Variants in HERPUD2 observed in about 807,000 individuals in gnomAD.
The protein encoded by HERPUD2 is homocysteine-responsive endoplasmic reticulum-resident ubiquitin-like domain member 2 protein.
Under a neutral mutation model 49.9 loss-of-function variants are expected in HERPUD2, and 13 were observed. That is an observed-to-expected ratio of 0.26 (90% CI 0.17 to 0.41). HERPUD2 has a LOEUF of 0.41. Ranked by LOEUF, HERPUD2 falls within the 10% of genes least tolerant of loss-of-function variation. HERPUD2 has a pLI of 1.00. For missense variants in HERPUD2, 449 were observed against 492.2 expected (o/e 0.91, Z 0.83); for synonymous variants, 172 against 171.4 (o/e 1.00, Z -0.03).
At position 35,634,447 on chromosome 7, in the gene HERPUD2, G is replaced by T; in HGVS notation, c.942-18C>A. The T allele has an allele frequency of 6.7e-7, 1 of 1,483,740 alleles. No homozygotes were observed. Among genetic ancestry groups the T allele is most frequent in the Non-Finnish European group, 9.4e-7 (1 of 1,065,038 alleles). The allele number at this position is 1,483,740 out of a possible 1,614,324, so 91.9% of individuals were successfully genotyped here. On this transcript the variant is annotated intron_variant, in intron 7 of 8. Coordinates refer to ENST00000311350, the MANE Select transcript of HERPUD2 (RefSeq NM_022373.5). ...CTTGGTGTCTGTTCAGTAAAATAAA[G>T]AGAAAATAAAATAAGTCACAGTTGT...
chr7:35,648,230 CT>C (rs566086020), intron 5 of HERPUD2, among the ~76,000 whole-genome samples: 4 of 152,218 alleles, frequency 2.6e-5, no homozygotes, highest in African/African-American at 9.6e-5. Context: ...AAAATAATAA[CT>C]GCTAATATGT....
intron 5 of HERPUD2, among the ~76,000 whole-genome samples, chr7:35,658,876 T>C (rs1785347811): frequency 6.6e-6 from 1 of 152,218 alleles, no homozygotes; most frequent in South Asian, 2.1e-4. Context: ...AGGAGCTAGG[T>C]AGGCAAATAA....
intron 2 of HERPUD2, among the ~76,000 whole-genome samples, chr7:35,692,941 CAA>C (rs1160739916): frequency 6.6e-6 from 1 of 152,124 alleles, no homozygotes; most frequent in African/African-American, 2.4e-5. Flanking sequence ...TACCTGATGC[CAA>C]AAGTTATTTC....
At chr7:35,639,948 T>C (rs1784941488) in intron 5 of HERPUD2, among the ~76,000 whole-genome samples, 1 of 152,166 alleles carries the variant, frequency 6.6e-6, no homozygotes, top group African/African-American at 2.4e-5. Flanking sequence ...ATATATTTCC[T>C]TCATATAGGG....
At chr7:35,639,994 G>A (rs1186810620) in intron 5 of HERPUD2, among the ~76,000 whole-genome samples, 8 of 151,950 alleles carry the variant, frequency 5.3e-5, no homozygotes, top group Non-Finnish European at 1.2e-4. Context: ...AGCTCTCTTG[G>A]ACACAGGACA....
chr7:35,657,095 G>T (rs1785291778), intron 5 of HERPUD2, among the ~76,000 whole-genome samples: 2 of 151,600 alleles, frequency 1.3e-5, no homozygotes. Context: ...GAAAATACCT[G>T]CAAACTATTC....
chr7:35,640,044 C>A (rs1404569352), intron 5 of HERPUD2, among the ~76,000 whole-genome samples: 2 of 152,186 alleles, frequency 1.3e-5, no homozygotes, highest in African/African-American at 4.8e-5. Context: ...AAAAAGCAAA[C>A]CTCAACCCAG....
At chr7:35,665,346 G>A (rs2392379) in intron 5 of HERPUD2, among the ~76,000 whole-genome samples, 46,507 of 152,046 alleles carry the variant, frequency 0.31, 7,946 homozygotes, top group Non-Finnish European at 0.38. Context: ...CCTTGCTGTC[G>A]CCTTGCAGTT....
At chr7:35,661,720 AT>A (rs1785426221) in intron 5 of HERPUD2, among the ~76,000 whole-genome samples, 1 of 152,136 alleles carries the variant, frequency 6.6e-6, no homozygotes, top group Non-Finnish European at 1.5e-5. Context: ...TTGCACATTG[AT>A]TTTGTATCCT....
chr7:35,667,103 G>A (rs1363084960), intron 5 of HERPUD2, among the ~76,000 whole-genome samples: 1 of 152,138 alleles, frequency 6.6e-6, no homozygotes, highest in Non-Finnish European at 1.5e-5. Flanking sequence ...CCAAACATCA[G>A]AAGCATTAGC....
intron 2 of HERPUD2, among the ~76,000 whole-genome samples, chr7:35,677,632 G>A (rs1011619946): frequency 2.6e-5 from 4 of 152,212 alleles, no homozygotes; most frequent in African/African-American, 7.2e-5. Context: ...TAGCTAGAAC[G>A]GAAATGGGAT....
Position 35,638,834 on chromosome 7 carries a change from T to C in HERPUD2, c.495-362A>G, listed in dbSNP as rs532315001. Among the ~76,000 whole-genome samples, 7 of 152,264 alleles carry C rather than the reference T, an allele frequency of 4.6e-5. No individual in the cohort carries two copies. The East Asian group carries it at 1.3e-3, about 29-fold the overall frequency. On this transcript the variant is annotated intron_variant, in intron 5 of 8. Transcript: ENST00000311350. ...AAGAAACAAAGCCCTAAAATAAATT[T>C]CATGACAAAATATTTTGGGGAATGG...
At chr7:35,656,170 T>A (rs1429415166) in intron 5 of HERPUD2, among the ~76,000 whole-genome samples, 1 of 151,520 alleles carries the variant, frequency 6.6e-6, no homozygotes, top group Non-Finnish European at 1.5e-5. Flanking sequence ...TTCAAAAAAA[T>A]AAAATTAAAA....
intron 8 of HERPUD2, among the ~76,000 whole-genome samples, 168 bp from the exon 9 acceptor site, chr7:35,634,019 G>A (rs1037116094): frequency 5.3e-5 from 8 of 152,146 alleles, no homozygotes; most frequent in Non-Finnish European, 1.5e-5. Flanking sequence ...TTCCGTAAAG[G>A]GGACAACTGC....
At chr7:35,687,670 T>G (rs981197164) in intron 2 of HERPUD2, among the ~76,000 whole-genome samples, 4 of 152,258 alleles carry the variant, frequency 2.6e-5, no homozygotes, top group Admixed American at 1.3e-4. Context: ...CCTGGACTTT[T>G]TTGTTGTTTC....
intron 5 of HERPUD2, among the ~76,000 whole-genome samples, chr7:35,654,931 T>C (rs1047706516): frequency 6.6e-6 from 1 of 152,186 alleles, no homozygotes; most frequent in Non-Finnish European, 1.5e-5. Flanking sequence ...CTCAGCTCAC[T>C]GCAACATCCA....
chr7:35,662,708 G>A lies in HERPUD2; in HGVS notation c.494+4726C>T, dbSNP rs183669275. Among the ~76,000 whole-genome samples the A allele has an allele frequency of 1.3e-4, 20 of 152,304 alleles. No homozygotes were observed. The East Asian group carries it at 3.9e-3, about 29-fold the overall frequency. ...TGATGGCCATATTTCTGTGGGATCAGTGGTGATATCCCCTTTATCATTTTT... is the reference window on the plus strand; with the variant it reads ...TGATGGCCATATTTCTGTGGGATCAATGGTGATATCCCCTTTATCATTTTT... On this transcript the variant is annotated intron_variant, in intron 5 of 8. Transcript: ENST00000311350.
chr7:35,686,729 A>AG (rs1162412724), intron 2 of HERPUD2, among the ~76,000 whole-genome samples: 1 of 104,578 alleles, frequency 9.6e-6, no homozygotes, highest in Non-Finnish European at 1.8e-5. Flanking sequence ...AAAAAAAAAA[A>AG]AAAAAAAAAA....
chr7:35,673,327 T>C (rs1334130025), intron 2 of HERPUD2, 49 bp from the exon 3 acceptor site: 18 of 1,446,384 alleles, frequency 1.2e-5, no homozygotes, highest in Admixed American at 1.8e-5. Context: ...ATTATGCAAA[T>C]TGAAGGTTGG....
Sources: allele counts gnomAD v4.1 joint callset (sites outside exome capture counted in the v4.1 genomes callset), GRCh38; gene constraint gnomAD v4.1.1; transcripts MANE v1.5; gene names NCBI Gene and HGNC (gene_info 2026-07-23, HGNC 2026-07-21).